TIAM2: variants seen among roughly 807,000 people sequenced by gnomAD.
TIAM2 encodes TIAM Rac1 associated GEF 2.
Under a neutral mutation model 152.9 loss-of-function variants are expected in TIAM2, and 80 were observed. That is an observed-to-expected ratio of 0.52 (90% confidence interval 0.44 to 0.63). The LOEUF (loss-of-function observed/expected upper bound fraction) is 0.63, where lower values mean the gene tolerates loss of function less well. Among genes scored for constraint, TIAM2 ranks in the 30% least tolerant of loss-of-function variants. The probability of loss-of-function intolerance (pLI) is 0.00; values close to 1 mark genes in which losing one functional copy is unlikely to be tolerated. For missense variants in TIAM2, 1,965 were observed against 2,120.1 expected (o/e 0.93, Z 1.44); for synonymous variants, 804 against 838.0 (o/e 0.96, Z 0.70).
intron 2 of TIAM2, among the ~76,000 whole-genome samples, chr6:155,114,041 T>A (rs1337988977): frequency 0.021 from 1,380 of 66,628 alleles, 53 homozygotes; most frequent in African/African-American, 0.052. Context: ...TATATATTTT[T>A]TTTTTTTTCT....
intron 2 of TIAM2, among the ~76,000 whole-genome samples, chr6:155,091,214 C>T (rs758024242): frequency 6.6e-6 from 1 of 152,184 alleles, no homozygotes; most frequent in Non-Finnish European, 1.5e-5. Context: ...ACTGCTACCA[C>T]GCCACGCTCT....
chr6:155,143,084 GT>G (rs1779747769), intron 5 of TIAM2, among the ~76,000 whole-genome samples: 1 of 152,220 alleles, frequency 6.6e-6, no homozygotes. Context: ...GCAGGCTGGT[GT>G]TTCTTTCCTG....
chr6:155,059,731 C>T (rs1390983645), intron 1 of TIAM2, among the ~76,000 whole-genome samples: 2 of 152,184 alleles, frequency 1.3e-5, no homozygotes, highest in African/African-American at 2.4e-5. Flanking sequence ...GATATTAACA[C>T]GACTTACTAC....
chr6:155,031,692 C>T, intron 1 of TIAM2, among the ~76,000 whole-genome samples: 1 of 152,120 alleles, frequency 6.6e-6, no homozygotes, highest in East Asian at 1.9e-4. Flanking sequence ...CCATTGCACT[C>T]CAGCCTGGGC....
At chr6:155,088,816 A>G (rs1276990447) in intron 1 of TIAM2, among the ~76,000 whole-genome samples, 1 of 152,276 alleles carries the variant, frequency 6.6e-6, no homozygotes, top group East Asian at 1.9e-4. Context: ...AATTTTTTTT[A>G]AAAGCTCATC....
At chr6:155,126,940 C>G (rs1389859700) in intron 2 of TIAM2, among the ~76,000 whole-genome samples, 2 of 152,122 alleles carry the variant, frequency 1.3e-5, no homozygotes, top group South Asian at 4.1e-4. Context: ...CAGTCCTCCT[C>G]CCTTTCAGAA....
Position 155,129,857 on chromosome 6 carries a change from C to G in TIAM2, c.634C>G (p.Pro212Ala). ...CTTAGCATCGGAAACCTCCCCTGTG[C>G]CTGAAGCCAGGAGGGGGTCCAGCGC... Reference protein sequence around the residue: ...PTLASETSPVPEARRGSSADS... With the variant: ...PTLASETSPVAEARRGSSADS... Residue 212 changes from proline to alanine, a missense_variant, in exon 4 of 27, where the codon CCT becomes GCT. Pro to Ala is a conservative substitution (Grantham distance 27, BLOSUM62 -1). This residue lies in a region of TIAM2 where 1,025 missense variants were observed against 1,119.4 expected (regional missense o/e 0.92). Transcript: ENST00000682666. This position sits in a 1 kb window ranked among gnomAD's most constrained non-coding sequence, Gnocchi z 4.8. 6.2e-7 allele frequency: 1 copy of G among 1,613,722 alleles called. No homozygotes were observed. Among genetic ancestry groups the G allele is most frequent in the East Asian group, 2.2e-5 (1 of 44,878 alleles).
intron 9 of TIAM2, among the ~76,000 whole-genome samples, chr6:155,166,998 G>A (rs2115104674): frequency 1.3e-5 from 2 of 152,182 alleles, no homozygotes; most frequent in East Asian, 3.9e-4. Flanking sequence ...TTTGTATATG[G>A]CTATTTGATA....
intron 20 of TIAM2, among the ~76,000 whole-genome samples, chr6:155,249,382 T>G (rs1375813331): frequency 6.6e-6 from 1 of 152,246 alleles, no homozygotes; most frequent in Admixed American, 6.5e-5. Flanking sequence ...CGAGAGCTGG[T>G]GCCCTAAGCC....
intron 14 of TIAM2, among the ~76,000 whole-genome samples, chr6:155,192,348 C>T (rs9478620): frequency 0.7 from 106,263 of 152,000 alleles, 37,298 homozygotes; most frequent in Admixed American, 0.79. Flanking sequence ...TTCGGGGTGC[C>T]ATGGTCTGGA....
Position 155,179,449 on chromosome 6 carries a change from T to C in TIAM2, c.2700T>C (p.Cys900=), listed in dbSNP as rs1242468618. 1.2e-6 allele frequency: 2 copies of C among 1,611,854 alleles called. No homozygotes were observed. Among genetic ancestry groups the C allele is most frequent in the African/African-American group, 2.7e-5 (2 of 74,818 alleles). Residue 900 remains cysteine, a synonymous_variant, in exon 12 of 27, where the codon TGT becomes TGC. Transcript: ENST00000682666. The stretch of plus-strand genomic sequence containing the variant: ...AGCTCACGAAGACTGGGAGTGTGTG[T>C]GACTTTGGTGAGTGTAAGGAATGCC... ...DVQLTKTGSV[C]DFGFAVTAQV...
At chr6:155,071,025 T>G (rs559071673) in intron 1 of TIAM2, among the ~76,000 whole-genome samples, 232 of 152,098 alleles carry the variant, frequency 1.5e-3, no homozygotes, top group Non-Finnish European at 2.8e-3. Flanking sequence ...TGAAAAAAAT[T>G]CGTGGGACAT....
chr6:155,238,487 G>C (rs1354753806), intron 15 of TIAM2, among the ~76,000 whole-genome samples: 1 of 152,208 alleles, frequency 6.6e-6, no homozygotes, highest in East Asian at 1.9e-4. Context: ...CGATTCTACT[G>C]AAGGAGCTCA....
At chr6:155,232,942 A>C (rs1400099015) in intron 15 of TIAM2, 1 of 152,224 alleles carries the variant, frequency 6.6e-6, no homozygotes, top group East Asian at 1.9e-4. Flanking sequence ...CAAATTACGC[A>C]GCACTTTTAA....
At chr6:155,179,534 A>C in intron 12 of TIAM2, 78 bp downstream of exon 12, 1 of 1,338,436 alleles carries the variant, frequency 7.5e-7, no homozygotes, top group South Asian at 1.4e-5. Flanking sequence ...TTTGGACTTA[A>C]TTTTTTCCCC....
chr6:155,119,488 A>T (rs991531050), intron 2 of TIAM2, among the ~76,000 whole-genome samples: 13 of 151,388 alleles, frequency 8.6e-5, no homozygotes, highest in Non-Finnish European at 1.6e-4. Flanking sequence ...TACAGGCATG[A>T]GCCACTGTGA....
At chr6:155,204,957 C>T (rs1043159977) in intron 14 of TIAM2, among the ~76,000 whole-genome samples, 6 of 152,038 alleles carry the variant, frequency 3.9e-5, no homozygotes, top group African/African-American at 1.4e-4. Context: ...GCTGCGTCCT[C>T]ATTGTGGCTG....
intron 1 of TIAM2, chr6:155,016,223 T>A (rs1778577347): frequency 6.6e-6 from 1 of 152,192 alleles, no homozygotes. Flanking sequence ...AGAATATTTA[T>A]TGCAGCATTG....
intron 1 of TIAM2, among the ~76,000 whole-genome samples, chr6:155,029,917 C>A (rs564817177): frequency 6.6e-6 from 1 of 151,840 alleles, no homozygotes; most frequent in Non-Finnish European, 1.5e-5. Context: ...CTCAGCCTCC[C>A]AAGTAGCTGG....
Sources: gnomAD v4.1 joint callset for allele counts (sites outside exome capture counted in the v4.1 genomes callset) on GRCh38, gnomAD v4.1.1 for gene constraint, gnomAD v4.1.1 regional missense constraint, Gnocchi (gnomAD v3.1) non-coding constraint, MANE v1.5 for transcripts, NCBI Gene and HGNC (gene_info 2026-07-23, HGNC 2026-07-21) for gene names.